PLXNA4: variants seen among roughly 807,000 people sequenced by gnomAD.
The protein encoded by PLXNA4 is plexin A4, also known as plexin-A4.
PLXNA4 carries 44 observed loss-of-function variants against 191.8 expected under a neutral mutation model. That is an observed-to-expected ratio of 0.23 (90% CI 0.18 to 0.29). The LOEUF (loss-of-function observed/expected upper bound fraction) is 0.29. Ranked by LOEUF, PLXNA4 falls within the 10% of genes least tolerant of loss-of-function variation. The pLI is 1.00. For missense variants in PLXNA4, 1,800 were observed against 2,488.8 expected, an observed-to-expected ratio of 0.72 and a Z score of 5.89; for synonymous variants, 1,082 against 1,009.5, an observed-to-expected ratio of 1.07 and a Z score of -1.36.
rs146477988 is a variant in PLXNA4 at position 132,314,784 on chromosome 7, C to A, written c.1372-16562G>T. Reference sequence around the variant, plus strand: ...ATCCTCAACGTAGACCAGGAAAAGTCATGATGGAAAGACTTCTTTGTTCCT... The same window carrying A: ...ATCCTCAACGTAGACCAGGAAAAGTAATGATGGAAAGACTTCTTTGTTCCT... On this transcript the variant is annotated intron_variant, in intron 3 of 31. Coordinates refer to ENST00000321063, the MANE Select transcript of PLXNA4 (RefSeq NM_020911.2). Among the ~76,000 whole-genome samples, 57 of 152,314 alleles carry A rather than the reference C, an allele frequency of 3.7e-4. 1 individual carries two copies. The East Asian group carries it at 0.01, about 27-fold the overall frequency.
intron 3 of PLXNA4, among the ~76,000 whole-genome samples, chr7:132,463,564 G>A (rs772079985): frequency 1.8e-4 from 27 of 152,162 alleles, no homozygotes; most frequent in Non-Finnish European, 3.1e-4. Context: ...AAGCTGCCAG[G>A]GTTAGAAACC....
intron 4 of PLXNA4, among the ~76,000 whole-genome samples, chr7:132,249,275 T>C (rs1799165102): frequency 6.6e-6 from 1 of 152,230 alleles, no homozygotes; most frequent in Admixed American, 6.5e-5. Flanking sequence ...ACAAATGATT[T>C]GGGAAGCTTC....
At chr7:132,625,036 G>GC (rs199910639) in intron 2 of PLXNA4, among the ~76,000 whole-genome samples, 1 of 152,100 alleles carries the variant, frequency 6.6e-6, no homozygotes, top group African/African-American at 2.4e-5. Flanking sequence ...AGGACTCTGA[G>GC]CCCCCCAAAA....
intron 2 of PLXNA4, among the ~76,000 whole-genome samples, chr7:132,619,670 T>G (rs925948140): frequency 1.3e-5 from 2 of 152,268 alleles, no homozygotes; most frequent in African/African-American, 4.8e-5. Flanking sequence ...TCTGGCATAT[T>G]CTAGAAGCTA....
chr7:132,357,728 C>A (rs1803768974), intron 3 of PLXNA4, among the ~76,000 whole-genome samples: 1 of 152,214 alleles, frequency 6.6e-6, no homozygotes, highest in Non-Finnish European at 1.5e-5. Context: ...GCTGCCAACA[C>A]AAACCTTCTT....
At chr7:132,145,442 TC>T in intron 28 of PLXNA4, 154 bp from the exon 29 acceptor site, 1 of 1,000,158 alleles carries the variant, frequency 1.0e-6, no homozygotes, top group Non-Finnish European at 1.4e-6. Context: ...AATCATTTTT[TC>T]CCATTTCATC....
At chr7:132,637,477 G>A (rs763064036) in intron 2 of PLXNA4, among the ~76,000 whole-genome samples, 5 of 152,200 alleles carry the variant, frequency 3.3e-5, no homozygotes, top group African/African-American at 7.2e-5. Flanking sequence ...GCCACACGAC[G>A]TTCTCAGTCA....
At chr7:132,617,312 C>T (rs2880449) in intron 2 of PLXNA4, among the ~76,000 whole-genome samples, 65,994 of 151,770 alleles carry the variant, frequency 0.43, 15,049 homozygotes, top group Non-Finnish European at 0.5. Context: ...ATGTAAGAAA[C>T]GGCTCAGAGT....
intron 2 of PLXNA4, among the ~76,000 whole-genome samples, chr7:132,625,433 A>G (rs112274931): frequency 0.012 from 1,761 of 152,296 alleles, 35 homozygotes; most frequent in African/African-American, 0.041. Context: ...ATTCTGCAAT[A>G]TTTCAAGGGG....
intron 9 of PLXNA4, among the ~76,000 whole-genome samples, chr7:132,214,665 T>C (rs1797909647): frequency 6.6e-6 from 1 of 152,106 alleles, no homozygotes; most frequent in African/African-American, 2.4e-5. Context: ...TTCATGTTCC[T>C]CCAGGATGTG....
chr7:132,289,857 A>G (rs900474751), intron 4 of PLXNA4, among the ~76,000 whole-genome samples: 7 of 150,494 alleles, frequency 4.7e-5, no homozygotes, highest in Middle Eastern at 3.5e-3. Context: ...TTTTTTAGAG[A>G]TAGGGTCTCT....
intron 4 of PLXNA4, among the ~76,000 whole-genome samples, chr7:132,289,090 A>G (rs1800789342): frequency 6.6e-6 from 1 of 152,220 alleles, no homozygotes; most frequent in Admixed American, 6.5e-5. Flanking sequence ...TGAAGCTCTC[A>G]GCATGGTAAA....
chr7:132,385,097 C>A, intron 3 of PLXNA4: 1 of 1,559,110 alleles, frequency 6.4e-7, no homozygotes. Context: ...GCTGGGGTCA[C>A]AGGGAGGTAG....
At chr7:132,640,078 T>A (rs1803709018) in intron 2 of PLXNA4, among the ~76,000 whole-genome samples, 1 of 152,246 alleles carries the variant, frequency 6.6e-6, no homozygotes, top group African/African-American at 2.4e-5. Context: ...GACACCAGCA[T>A]CTGAAGCATA....
At chr7:132,520,016 T>C (rs1307810557) in intron 1 of PLXNA4, among the ~76,000 whole-genome samples, 2 of 152,176 alleles carry the variant, frequency 1.3e-5, no homozygotes, top group Admixed American at 1.3e-4. Context: ...TTGGGAAGTT[T>C]CCACAAACAG....
chr7:132,514,376 T>C (rs1281932759), intron 1 of PLXNA4, among the ~76,000 whole-genome samples: 1 of 152,186 alleles, frequency 6.6e-6, no homozygotes, highest in Non-Finnish European at 1.5e-5. Flanking sequence ...TTACCCACTA[T>C]ATAGCAAACT....
chr7:132,490,048 T>C (rs1797725375), intron 2 of PLXNA4, among the ~76,000 whole-genome samples: 1 of 152,334 alleles, frequency 6.6e-6, no homozygotes, highest in South Asian at 2.1e-4. Flanking sequence ...CAGAGGCATG[T>C]GCAGGCAATC....
chr7:132,585,894 A>G (rs1802497403), intron 2 of PLXNA4, among the ~76,000 whole-genome samples: 1 of 152,232 alleles, frequency 6.6e-6, no homozygotes, highest in African/African-American at 2.4e-5. Context: ...GTGCTTCAAC[A>G]TACGAATTGA....
At chr7:132,546,477 A>G (rs1800311082) in intron 1 of PLXNA4, among the ~76,000 whole-genome samples, 1 of 152,186 alleles carries the variant, frequency 6.6e-6, no homozygotes, top group African/African-American at 2.4e-5. Flanking sequence ...ATTTGTAAGC[A>G]TATCTCCAGA....
Sources: gnomAD v4.1 joint callset for allele counts (sites outside exome capture counted in the v4.1 genomes callset) on GRCh38, gnomAD v4.1.1 for gene constraint, MANE v1.5 for transcripts, NCBI Gene and HGNC (gene_info 2026-07-23, HGNC 2026-07-21) for gene names.